The following SBNO1 variants were observed in gnomAD, a reference collection of about 807,000 sequenced individuals.
SBNO1 encodes the protein protein strawberry notch homolog 1.
SBNO1 carries 23 observed loss-of-function variants against 173.6 expected under a neutral mutation model. That is an observed-to-expected ratio of 0.13 (90% CI 0.10 to 0.19). SBNO1 has a LOEUF of 0.19. SBNO1 is among the 10% of genes least tolerant of loss of function. SBNO1 has a pLI of 1.00. For missense variants in SBNO1, 1,238 were observed against 1,671.2 expected, an observed-to-expected ratio of 0.74 and a Z score of 4.52; for synonymous variants, 632 against 571.5, an observed-to-expected ratio of 1.11 and a Z score of -1.51.
Position 123,298,072 on chromosome 12 carries a change from CCAGA to C in SBNO1, c.3941_3944del (p.Val1314GlyfsTer8). On this transcript the variant is annotated frameshift_variant, in exon 31 of 32. Coordinates refer to ENST00000602398, the MANE Select transcript of SBNO1 (RefSeq NM_001167856.3). LOFTEE classifies it high-confidence loss of function. ...ATGCTAGAACACCCTCAACTTTTGT[CCAGA>C]CACTCAGCACTGAACCACATAATAC... 1 of 1,613,712 alleles carries C rather than the reference CCAGA, an allele frequency of 6.2e-7. No individual in the cohort carries two copies. The highest frequency in any genetic ancestry group is 8.5e-7 in the Non-Finnish European group (1 of 1,179,904).
intron 3 of SBNO1, among the ~76,000 whole-genome samples, chr12:123,346,672 AAAAAT>A (rs1873185508): frequency 6.6e-6 from 1 of 151,898 alleles, no homozygotes; most frequent in Admixed American, 6.6e-5. Context: ...TCAAAAAATA[AAAAAT>A]AAAAGAATAA....
At chr12:123,362,674 C>G (rs1014989349) in intron 1 of SBNO1, among the ~76,000 whole-genome samples, 2 of 145,208 alleles carry the variant, frequency 1.4e-5, no homozygotes, top group Admixed American at 7.3e-5. Context: ...GAGACTGAGG[C>G]AGGAGAATTG....
intron 5 of SBNO1, among the ~76,000 whole-genome samples, chr12:123,340,096 T>C (rs1046666747): frequency 2.6e-5 from 4 of 152,206 alleles, no homozygotes; most frequent in African/African-American, 2.4e-5. Context: ...TGCATACCAT[T>C]TGATGTACTT....
Position 123,294,258 on chromosome 12 carries a change from A to ACG in SBNO1, c.*1649_*1650insCG, listed in dbSNP as rs2048552591. 2 of 42,814 alleles carry ACG rather than the reference A, an allele frequency of 4.7e-5. No homozygotes were observed. Among genetic ancestry groups the ACG allele is most frequent in the Non-Finnish European group, 3.0e-4 (2 of 6,726 alleles). 2.7% of individuals were successfully genotyped at this position (42,814 alleles called of 1,614,324 possible). ...AGGCTAAAGGAGACACAAGAGGATGAACGCCCTAAGCTTTCAGCCAGGTTT... is the reference window on the plus strand; with the variant it reads ...AGGCTAAAGGAGACACAAGAGGATGACGACGCCCTAAGCTTTCAGCCAGGTTT... On this transcript the variant is annotated 3_prime_UTR_variant, in exon 32 of 32. Transcript: ENST00000602398.
At chr12:123,309,174 C>T (rs2048995186) in intron 28 of SBNO1, 136 bp downstream of exon 28, 2 of 661,938 alleles carry the variant, frequency 3.0e-6, no homozygotes, top group African/African-American at 3.7e-5. Context: ...GACAAACACA[C>T]AATTACAATG....
At chr12:123,336,194 TTTACAA>T (rs1296835205) in intron 6 of SBNO1, among the ~76,000 whole-genome samples, 195 bp downstream of exon 6, 1 of 152,148 alleles carries the variant, frequency 6.6e-6, no homozygotes, top group Non-Finnish European at 1.5e-5. Flanking sequence ...TTTATATATC[TTTACAA>T]TTACCTTTGA....
chr12:123,323,053 T>C (rs1870187112), intron 16 of SBNO1, among the ~76,000 whole-genome samples: 1 of 152,192 alleles, frequency 6.6e-6, no homozygotes, highest in Non-Finnish European at 1.5e-5. Flanking sequence ...TTTAAATCTT[T>C]CTGTGCTTCA....
rs570603030 is a variant in SBNO1, at chr12:123,344,712, G to A, written c.550+546C>T. 2.0e-5 allele frequency among the ~76,000 whole-genome samples: 3 copies of A among 152,252 alleles called. No homozygotes were observed. In the South Asian group the frequency reaches 6.2e-4, roughly 32 times the overall value. On this transcript the variant is annotated intron_variant, in intron 4 of 31. Coordinates refer to ENST00000602398, the MANE Select transcript of SBNO1 (RefSeq NM_001167856.3). ...AAAAATACAAAAATTAGCTAGGTGTGGTGGCAAGCACCTCTAATTCCAGCT... is the reference window on the plus strand; with the variant it reads ...AAAAATACAAAAATTAGCTAGGTGTAGTGGCAAGCACCTCTAATTCCAGCT...
chr12:123,319,444 G>A (rs1041975181), intron 20 of SBNO1, among the ~76,000 whole-genome samples: 1 of 152,120 alleles, frequency 6.6e-6, no homozygotes, highest in Non-Finnish European at 1.5e-5. Context: ...TAATAGCTCT[G>A]TTGCACAGGC....
chr12:123,348,004 A>G (rs765759316), intron 3 of SBNO1, 25 bp downstream of exon 3: 1 of 1,410,562 alleles, frequency 7.1e-7, no homozygotes, highest in Non-Finnish European at 1.0e-6. Flanking sequence ...TTTTAGAAGT[A>G]ACGACGAATC....
In SBNO1 at chr12:123,322,313, CCAGA is replaced by C. The variant is rs530338824; in HGVS notation, c.2126-585_2126-582del. ...ATGACCAGATATTTTTTTTTTTTCC[CCAGA>C]CAGTGTCTACTCTGTCTCCCAGGCT... is the stretch of plus-strand genomic sequence containing the variant. On this transcript the variant is annotated intron_variant, in intron 16 of 31. Transcript: ENST00000602398. Among the ~76,000 whole-genome samples, 6 of 151,422 alleles carry C rather than the reference CCAGA, an allele frequency of 4.0e-5. No homozygotes were observed. In the South Asian group the frequency reaches 8.4e-4, roughly 21 times the overall value.
intron 28 of SBNO1, among the ~76,000 whole-genome samples, chr12:123,306,122 A>G (rs901016707): frequency 2.6e-5 from 4 of 152,220 alleles, no homozygotes; most frequent in Non-Finnish European, 5.9e-5. Context: ...TGTTTATATA[A>G]TTACTGTAAA....
At chr12:123,310,533 A>T (rs1178618597) in intron 25 of SBNO1, among the ~76,000 whole-genome samples, 4 of 142,760 alleles carry the variant, frequency 2.8e-5, no homozygotes, top group South Asian at 2.3e-4. Flanking sequence ...CGCCCGACCA[A>T]TTTTTTTTTA....
In SBNO1 at chr12:123,320,468, A is replaced by G; in HGVS notation, c.2631T>C (p.Leu877=). Residue 877 remains leucine (L), a synonymous_variant, in exon 19 of 32, where the codon CTT becomes CTC. Transcript: ENST00000602398. ...TCTCAGGGCCACCAAGTTCATCGATAAGTTCATCCAGGGTATTAGGGGGGA... is the reference window on the plus strand; with the variant it reads ...TCTCAGGGCCACCAAGTTCATCGATGAGTTCATCCAGGGTATTAGGGGGGA... ...EDLPPNTLDE[L]IDELGGPENV... is the part of the protein sequence containing the mutation. The G allele has an allele frequency of 6.2e-7, 1 of 1,613,624 alleles. No individual in the cohort carries two copies.
intron 24 of SBNO1, among the ~76,000 whole-genome samples, chr12:123,311,431 G>A (rs1182183225): frequency 6.6e-6 from 1 of 151,686 alleles, no homozygotes; most frequent in Non-Finnish European, 1.5e-5. Context: ...CTGGAGCGCA[G>A]TGCGCGATCT....
At chr12:123,324,999 T>A (rs1314582904) in intron 15 of SBNO1, among the ~76,000 whole-genome samples, 1 of 151,236 alleles carries the variant, frequency 6.6e-6, no homozygotes, top group African/African-American at 2.4e-5. Context: ...TTAGTTGAGA[T>A]GGGGTTTCAC....
At position 123,297,400 on chromosome 12, in the gene SBNO1, C is replaced by CAAAAAAA. The variant is rs59447456; in HGVS notation, c.4039+571_4039+577dup. Among the ~76,000 whole-genome samples, 229 of 31,500 alleles carry CAAAAAAA rather than the reference C, an allele frequency of 7.3e-3. 26 individuals are homozygous for CAAAAAAA. Among genetic ancestry groups the CAAAAAAA allele is most frequent in the African/African-American group, 0.012 (117 of 9,478 alleles). 20.7% of individuals were successfully genotyped at this position (31,500 alleles called of 152,430 possible). A position where few individuals can be genotyped will look rare whatever the true frequency, so the allele number is the denominator to read the frequency against. Reference sequence around the variant, plus strand: ...TACAACATCCCAAAATACTGGTGTCCAAAAAAAAAAAAAAAAAAAAAATTC... The same window carrying CAAAAAAA: ...TACAACATCCCAAAATACTGGTGTCCAAAAAAAAAAAAAAAAAAAAAAAAAAAAATTC... On this transcript the variant is annotated intron_variant, in intron 31 of 31. Coordinates refer to ENST00000602398, the MANE Select transcript of SBNO1 (RefSeq NM_001167856.3).
chr12:123,307,020 T>TTAAAAAAA (rs755357101), intron 28 of SBNO1, among the ~76,000 whole-genome samples: 1 of 64,416 alleles, frequency 1.6e-5, no homozygotes. Flanking sequence ...TCAACTGCAT[T>TTAAAAAAA]AAAAAAAAAA....
At chr12:123,312,976 G>A (rs374079495) in intron 24 of SBNO1, among the ~76,000 whole-genome samples, 3 of 151,904 alleles carry the variant, frequency 2.0e-5, no homozygotes, top group South Asian at 2.1e-4. Context: ...AGGCTAAAGC[G>A]GGCAGATCAT....
Sources: gnomAD v4.1 joint callset for allele counts (sites outside exome capture counted in the v4.1 genomes callset) on GRCh38, gnomAD v4.1.1 for gene constraint, MANE v1.5 for transcripts, NCBI Gene and HGNC (gene_info 2026-07-23, HGNC 2026-07-21) for gene names.